Variants in CNOT4 observed in about 807,000 individuals in gnomAD.
CNOT4 encodes CCR4-associated factor 4.
A neutral mutation model predicts 73.8 loss-of-function variants in CNOT4; 8 were observed. The observed-to-expected ratio is 0.11, with a 90% confidence interval of 0.06 to 0.20. The LOEUF (loss-of-function observed/expected upper bound fraction) is 0.20, where lower values mean the gene tolerates loss of function less well. Among genes scored for constraint, CNOT4 ranks in the 10% least tolerant of loss-of-function variants. The pLI is 1.00. For missense variants in CNOT4, 564 were observed against 883.4 expected, an observed-to-expected ratio of 0.64 and a Z score of 4.58; for synonymous variants, 293 against 321.1, an observed-to-expected ratio of 0.91 and a Z score of 0.94.
chr7:135,472,560 A>G (rs1211968701), intron 1 of CNOT4, among the ~76,000 whole-genome samples: 1 of 81,562 alleles, frequency 1.2e-5, no homozygotes, highest in Non-Finnish European at 2.4e-5. Flanking sequence ...TATATATATA[A>G]AGTGATCCTC....
intron 1 of CNOT4, among the ~76,000 whole-genome samples, chr7:135,507,255 G>A (rs1457082339): frequency 2.0e-5 from 3 of 152,108 alleles, no homozygotes; most frequent in East Asian, 1.9e-4. Context: ...AACTTTAAGC[G>A]ATTCATGTTC....
In CNOT4 at chr7:135,509,905, G is replaced by C; in HGVS notation, c.-109C>G. The stretch of plus-strand genomic sequence containing the variant: ...TAGACTCACCCGCCTGCCTTGCCTC[G>C]CTTTTCCCTCAGCCGACTCCACGGG... On this transcript the variant is annotated 5_prime_UTR_variant, in exon 1 of 12. Transcript: ENST00000541284. The C allele has an allele frequency of 2.5e-6, 1 of 396,294 alleles. No homozygotes were observed. The highest frequency in any genetic ancestry group is 4.4e-6 in the Non-Finnish European group (1 of 224,870). 24.5% of individuals were successfully genotyped at this position (396,294 alleles called of 1,614,324 possible).
chr7:135,385,024 GTTC>G (rs139889178), intron 10 of CNOT4, among the ~76,000 whole-genome samples: 13,403 of 152,190 alleles, frequency 0.088, 676 homozygotes, highest in East Asian at 0.16. Flanking sequence ...CTAATTCATA[GTTC>G]TTCTCCATTC....
intron 1 of CNOT4, among the ~76,000 whole-genome samples, chr7:135,467,982 G>A (rs774747717): frequency 4.1e-4 from 62 of 151,686 alleles, no homozygotes; most frequent in Non-Finnish European, 6.8e-4. Context: ...TTGGGAGCTC[G>A]AGACGGGCGG....
At chr7:135,414,504 C>T in intron 4 of CNOT4, 72 bp from the exon 5 acceptor site, 1 of 727,762 alleles carries the variant, frequency 1.4e-6, no homozygotes, top group Non-Finnish European at 2.5e-6. Context: ...TCTACTGCAA[C>T]CTAGGGAATT....
At chr7:135,384,481 T>A (rs1796015289) in intron 10 of CNOT4, 1 of 523,210 alleles carries the variant, frequency 1.9e-6, no homozygotes, top group Non-Finnish European at 3.4e-6. Flanking sequence ...GAGACGGGGT[T>A]TCACCGTGTT....
At chr7:135,449,993 T>C (rs1800064873) in intron 1 of CNOT4, among the ~76,000 whole-genome samples, 1 of 152,144 alleles carries the variant, frequency 6.6e-6, no homozygotes, top group Non-Finnish European at 1.5e-5. Flanking sequence ...ATGGAAATAC[T>C]GGATTTCATC....
intron 1 of CNOT4, among the ~76,000 whole-genome samples, chr7:135,497,760 A>G (rs1406895299): frequency 6.6e-6 from 1 of 152,128 alleles, no homozygotes; most frequent in African/African-American, 2.4e-5. Flanking sequence ...TTCATTTTCC[A>G]TTACTCTCTG....
chr7:135,453,828 A>ATATATATAT (rs1800341153), intron 1 of CNOT4, among the ~76,000 whole-genome samples: 1 of 86,160 alleles, frequency 1.2e-5, no homozygotes, highest in African/African-American at 3.8e-5. Flanking sequence ...TATATATTTT[A>ATATATATAT]TATATATATA....
At chr7:135,375,975 G>T (rs547309975) in intron 10 of CNOT4, among the ~76,000 whole-genome samples, 19 of 151,706 alleles carry the variant, frequency 1.3e-4, no homozygotes, top group South Asian at 6.3e-4. Context: ...TGTACAGGGG[G>T]TGTTGGAAAA....
intron 1 of CNOT4, among the ~76,000 whole-genome samples, chr7:135,443,720 C>G (rs1043581330): frequency 6.6e-6 from 1 of 152,216 alleles, no homozygotes; most frequent in Non-Finnish European, 1.5e-5. Context: ...CACCAAAAAT[C>G]TCACATACCA....
chr7:135,489,004 C>T (rs1298155575), intron 1 of CNOT4, among the ~76,000 whole-genome samples: 1 of 151,842 alleles, frequency 6.6e-6, no homozygotes, highest in African/African-American at 2.4e-5. Flanking sequence ...AAAGTTGTTC[C>T]TTCAGAAAAA....
chr7:135,421,400 C>CT (rs1798185879), intron 3 of CNOT4, among the ~76,000 whole-genome samples: 1 of 152,144 alleles, frequency 6.6e-6, no homozygotes, highest in African/African-American at 2.4e-5. Flanking sequence ...AGTAAACACT[C>CT]TGCCTGTCGA....
At chr7:135,450,880 C>G (rs1010920847) in intron 1 of CNOT4, among the ~76,000 whole-genome samples, 7 of 152,010 alleles carry the variant, frequency 4.6e-5, no homozygotes, top group South Asian at 4.2e-4. Context: ...TCACTTGAAC[C>G]CAGGAGGCAG....
chr7:135,422,469 T>G (rs1798244449), intron 2 of CNOT4, 116 bp from the exon 3 acceptor site: 3 of 606,282 alleles, frequency 4.9e-6, no homozygotes, highest in Non-Finnish European at 8.8e-6. Context: ...CTCCCTTTAT[T>G]AGAATGTTTT....
intron 3 of CNOT4, among the ~76,000 whole-genome samples, chr7:135,417,305 C>T (rs1797924574): frequency 6.6e-6 from 1 of 152,142 alleles, no homozygotes; most frequent in Admixed American, 6.6e-5. Flanking sequence ...GGCCCAGAGG[C>T]CACACCTTGA....
chr7:135,416,703 C>G (rs1015760514), intron 3 of CNOT4, among the ~76,000 whole-genome samples: 4 of 152,296 alleles, frequency 2.6e-5, no homozygotes, highest in Middle Eastern at 6.8e-3. Context: ...ACAGGTTGTC[C>G]TGCATCAGCA....
At chr7:135,459,919 A>T (rs1378834790) in intron 1 of CNOT4, among the ~76,000 whole-genome samples, 1 of 152,234 alleles carries the variant, frequency 6.6e-6, no homozygotes. Context: ...TCTTCTGGAC[A>T]ACTGACTACA....
At chr7:135,414,556 G>T in intron 4 of CNOT4, 124 bp from the exon 5 acceptor site, 1 of 545,870 alleles carries the variant, frequency 1.8e-6, no homozygotes, top group South Asian at 3.1e-5. Context: ...ACAATAATTA[G>T]TAGTAGTAGT....
Sources: allele counts gnomAD v4.1 joint callset (sites outside exome capture counted in the v4.1 genomes callset), GRCh38; gene constraint gnomAD v4.1.1; transcripts MANE v1.5; gene names NCBI Gene and HGNC (gene_info 2026-07-23, HGNC 2026-07-21).